Variants in ASPSCR1 observed in about 807,000 individuals in gnomAD.
ASPSCR1 encodes tether containing UBX domain for GLUT4.
In ASPSCR1, 55 loss-of-function variants were observed where a neutral mutation model predicts 68.9. That is an observed-to-expected ratio of 0.80 (90% CI 0.64 to 1.00). ASPSCR1 has a LOEUF of 1.00. Among genes scored for constraint, ASPSCR1 ranks in the 50% least tolerant of loss-of-function variants. The probability of loss-of-function intolerance (pLI) is 0.00; values close to 1 mark genes in which losing one functional copy is unlikely to be tolerated. For missense variants in ASPSCR1, 765 were observed against 762.2 expected, an observed-to-expected ratio of 1.00 and a Z score of -0.04; for synonymous variants, 352 against 332.6, an observed-to-expected ratio of 1.06 and a Z score of -0.63.
intron 12 of ASPSCR1, chr17:82,015,620 C>T: frequency 1.8e-6 from 1 of 540,842 alleles, no homozygotes; most frequent in Non-Finnish European, 3.3e-6. Flanking sequence ...CTGGCCAGGG[C>T]TCCTGTGCCC....
chr17:81,979,179 C>T lies in ASPSCR1; in HGVS notation c.103-5C>T. On this transcript the variant is annotated splice_polypyrimidine_tract_variant and splice_region_variant and intron_variant, in intron 1 of 15. Transcript: ENST00000306739. ...CAGTTCACCATCCTTTCATCTCACC[C>T]CCAGGTTCTGGAGGACACGTGCCGG... 1 of 1,614,012 alleles carries T rather than the reference C, an allele frequency of 6.2e-7. No homozygotes were observed. Among genetic ancestry groups the T allele is most frequent in the Non-Finnish European group, 8.5e-7 (1 of 1,179,924 alleles).
In ASPSCR1 at chr17:81,977,671, G is replaced by A; in HGVS notation, c.25G>A (p.Gly9Ser). MAAPAGGG[G>S]SAVSVLAPNG... ...AATGGCGGCCCCGGCAGGCGGCGGA[G>A]GCTCCGCGGTGTCGGTGCTGGCCCC... Residue 9 changes from glycine to serine, a missense_variant, in exon 1 of 16, where the codon GGC becomes AGC. Coordinates refer to ENST00000306739, the MANE Select transcript of ASPSCR1 (RefSeq NM_024083.4). This position sits in a 1 kb window ranked among gnomAD's most constrained non-coding sequence, Gnocchi z 5.0. 2 of 1,398,438 alleles carry A rather than the reference G, an allele frequency of 1.4e-6. No homozygotes were observed. Among genetic ancestry groups the A allele is most frequent in the Non-Finnish European group, 1.9e-6 (2 of 1,072,038 alleles). The allele number at this position is 1,398,438 out of a possible 1,614,324, so 86.6% of individuals were successfully genotyped here.
intron 12 of ASPSCR1, chr17:82,014,211 T>C (rs1373468186): frequency 6.6e-6 from 1 of 152,342 alleles, no homozygotes; most frequent in Non-Finnish European, 1.5e-5. Flanking sequence ...TAGCCAGTTC[T>C]GTCGTCCTTC....
In ASPSCR1 at chr17:81,996,925, G is replaced by A. The variant is rs2042364732; in HGVS notation, c.933+79G>A. 2.0e-6 allele frequency: 3 copies of A among 1,512,948 alleles called. No individual in the cohort carries two copies. The East Asian group carries it at 6.8e-5, about 34-fold the overall frequency. The allele number at this position is 1,512,948 out of a possible 1,614,324, so 93.7% of individuals were successfully genotyped here. A position where few individuals can be genotyped will look rare whatever the true frequency, so the allele number is the denominator to read the frequency against. ...AGCCCTGCGTGGCTTTAGCTGGTCA[G>A]CCTGGTGGCGTGGCCGTGATGCGGG... On this transcript the variant is annotated intron_variant, in intron 7 of 15. Coordinates refer to ENST00000306739, the MANE Select transcript of ASPSCR1 (RefSeq NM_024083.4).
chr17:81,980,703 G>A (rs1360879395), intron 2 of ASPSCR1, among the ~76,000 whole-genome samples: 1 of 152,224 alleles, frequency 6.6e-6, no homozygotes, highest in Non-Finnish European at 1.5e-5. Flanking sequence ...GATTTACACC[G>A]AATGGGGTGG....
intron 9 of ASPSCR1, chr17:82,010,087 G>T (rs1014809929): frequency 2.6e-4 from 70 of 266,260 alleles, no homozygotes; most frequent in Middle Eastern, 8.8e-4. Flanking sequence ...AATTTTTGTT[G>T]TTTTTTTTTT....
chr17:81,997,105 C>CGCTCCGGGATGAGGCCGTGTCG (rs1555634190), intron 7 of ASPSCR1, among the ~76,000 whole-genome samples: 1 of 144,178 alleles, frequency 6.9e-6, no homozygotes, highest in Non-Finnish European at 1.5e-5. Context: ...AGGCCGTGTC[C>CGCTCCGGGATGAGGCCGTGTCG]GCTCCGGGAT....
At chr17:82,013,121 A>G (rs1265283105) in intron 12 of ASPSCR1, 1 of 152,218 alleles carries the variant, frequency 6.6e-6, no homozygotes, top group Non-Finnish European at 1.5e-5. Flanking sequence ...GGCAGCTGCC[A>G]GGGGTGATCA....
At chr17:82,012,402 G>C in intron 12 of ASPSCR1, 119 bp downstream of exon 12, 2 of 1,213,598 alleles carry the variant, frequency 1.6e-6, no homozygotes, top group East Asian at 4.7e-5. Context: ...GGATAATAAA[G>C]CCTTTGAGAG....
In ASPSCR1 at chr17:82,000,243, G is replaced by A. The variant is rs531999280; in HGVS notation, c.933+3397G>A. On this transcript the variant is annotated intron_variant, in intron 7 of 15. Transcript: ENST00000306739. ...CCAGGGCGGGTCTTGTCTGCAGAGC[G>A]TGGGGCGTGGAGCATGGGGCTCGCA... is the stretch of plus-strand genomic sequence containing the variant. Among the ~76,000 whole-genome samples the A allele has an allele frequency of 3.3e-5, 5 of 152,374 alleles. No individual in the cohort carries two copies. In the South Asian group the frequency reaches 8.3e-4, roughly 25 times the overall value.
Position 81,983,449 on chromosome 17 carries a change from GCGTGGATGGCGGGGCGTGGATGGTGGGA to G in ASPSCR1, c.159-102_159-75del. The G allele has an allele frequency of 1.1e-6, 1 of 898,730 alleles. No individual in the cohort carries two copies. Among genetic ancestry groups the G allele is most frequent in the Non-Finnish European group, 1.7e-6 (1 of 577,684 alleles). 55.7% of individuals were successfully genotyped at this position (898,730 alleles called of 1,614,324 possible). On this transcript the variant is annotated intron_variant, in intron 2 of 15. Transcript: ENST00000306739. This position sits in a 1 kb window ranked among gnomAD's most constrained non-coding sequence, Gnocchi z 4.4. Reference sequence around the variant, plus strand: ...GCTGCCACAGGACGTGGATGGCGGGGCGTGGATGGCGGGGCGTGGATGGTGGGACGGGGATGGCGGGGCGTGGATGGCA... The same window carrying G: ...GCTGCCACAGGACGTGGATGGCGGGGCGGGGATGGCGGGGCGTGGATGGCA...
intron 7 of ASPSCR1, among the ~76,000 whole-genome samples, chr17:81,998,854 C>T (rs1300532415): frequency 6.6e-6 from 1 of 152,254 alleles, no homozygotes; most frequent in Non-Finnish European, 1.5e-5. Flanking sequence ...ACCACTGGGG[C>T]ACTGGGCCCT....
At chr17:82,016,442 C>T (rs1400955317) in intron 12 of ASPSCR1, 34 bp from the exon 13 acceptor site, 4 of 1,539,380 alleles carry the variant, frequency 2.6e-6, no homozygotes, top group Non-Finnish European at 3.5e-6. Flanking sequence ...GCTCTGCCCA[C>T]ACCCGGCCCC....
chr17:81,993,245 G>C (rs1292656824), intron 4 of ASPSCR1, among the ~76,000 whole-genome samples: 1 of 151,884 alleles, frequency 6.6e-6, no homozygotes, highest in Non-Finnish European at 1.5e-5. Context: ...ACGGAGTCTC[G>C]CTCTGTCGCC....
chr17:81,988,082 C>G (rs561556754), intron 4 of ASPSCR1, among the ~76,000 whole-genome samples: 1 of 148,180 alleles, frequency 6.7e-6, no homozygotes, highest in Non-Finnish European at 1.5e-5. Context: ...TGCTTGAACC[C>G]AGGAGGTGGA....
In ASPSCR1 at chr17:82,011,588, A is replaced by G. The variant is rs761893252; in HGVS notation, c.1283A>G (p.Glu428Gly). Reference protein sequence around the residue: ...DFVRSHLGNPELSFYLFITPP... With the variant: ...DFVRSHLGNPGLSFYLFITPP... Reference sequence around the variant, plus strand: ...GTGAGGAGCCACCTGGGGAACCCCGAGCTGTCATTTTACCTGTGTACGTTT... The same window carrying G: ...GTGAGGAGCCACCTGGGGAACCCCGGGCTGTCATTTTACCTGTGTACGTTT... The change falls in exon 11 of 16, where the codon GAG becomes GGG. Residue 428 changes from glutamate to glycine, a missense_variant. Glu to Gly is a moderately conservative substitution (Grantham distance 98). Coordinates refer to ENST00000306739, the MANE Select transcript of ASPSCR1 (RefSeq NM_024083.4). 3 of 1,591,282 alleles carry G rather than the reference A, an allele frequency of 1.9e-6. No homozygotes were observed. The South Asian group carries it at 3.4e-5, about 18-fold the overall frequency.
chr17:81,989,240 C>G (rs574611255), intron 4 of ASPSCR1, among the ~76,000 whole-genome samples: 1 of 152,308 alleles, frequency 6.6e-6, no homozygotes, highest in African/African-American at 2.4e-5. Flanking sequence ...TCTAAAAGCT[C>G]AGACCCAAGC....
At chr17:82,016,678 G>T in intron 13 of ASPSCR1, 122 bp from the exon 14 acceptor site, 1 of 1,440,998 alleles carries the variant, frequency 6.9e-7, no homozygotes, top group South Asian at 1.2e-5. Flanking sequence ...CCCGAGAGAG[G>T]ACTGGGACAG....
At chr17:81,997,560 T>C (rs1244086685) in intron 7 of ASPSCR1, among the ~76,000 whole-genome samples, 3 of 148,916 alleles carry the variant, frequency 2.0e-5, no homozygotes, top group African/African-American at 7.4e-5. Flanking sequence ...CGATCTCGGC[T>C]CACTGCAGCC....
Sources: gnomAD v4.1 joint callset for allele counts (sites outside exome capture counted in the v4.1 genomes callset) on GRCh38, gnomAD v4.1.1 for gene constraint, Gnocchi (gnomAD v3.1) non-coding constraint, MANE v1.5 for transcripts, NCBI Gene and HGNC (gene_info 2026-07-23, HGNC 2026-07-21) for gene names.